Variants in CRPPA observed in about 807,000 individuals in gnomAD.
CRPPA encodes CDP-L-ribitol pyrophosphorylase A, also known as D-ribitol-5-phosphate cytidylyltransferase.
CRPPA carries 43 observed loss-of-function variants against 52.0 expected under a neutral mutation model. The observed-to-expected ratio is 0.83, with a 90% CI of 0.65 to 1.07. The LOEUF (loss-of-function observed/expected upper bound fraction) is 1.07. Among genes scored for constraint, CRPPA ranks in the 50% least tolerant of loss-of-function variants. The pLI, the probability that CRPPA is intolerant of heterozygous loss-of-function variation, is 0.00. For missense variants in CRPPA, 629 were observed against 551.7 expected (o/e 1.14, Z -1.40); for synonymous variants, 250 against 203.5 (o/e 1.23, Z -1.94).
chr7:16,323,481 A>G (rs960820638), intron 3 of CRPPA, among the ~76,000 whole-genome samples: 18 of 152,164 alleles, frequency 1.2e-4, no homozygotes, highest in Non-Finnish European at 2.6e-4. Context: ...TGCTATCTCC[A>G]TGAGAAGAAC....
chr7:16,317,562 T>C (rs569078027), intron 3 of CRPPA, among the ~76,000 whole-genome samples: 4 of 152,276 alleles, frequency 2.6e-5, no homozygotes, highest in African/African-American at 9.6e-5. Flanking sequence ...GGTAGATTCA[T>C]TCATGTTGTT....
intron 4 of CRPPA, among the ~76,000 whole-genome samples, chr7:16,302,770 G>C (rs2128423314): frequency 6.6e-6 from 1 of 152,312 alleles, no homozygotes; most frequent in African/African-American, 2.4e-5. Context: ...TGAGGCTCTA[G>C]TGAGCACAGT....
intron 2 of CRPPA, among the ~76,000 whole-genome samples, chr7:16,378,102 A>AT (rs1050480152): frequency 6.6e-6 from 1 of 151,594 alleles, no homozygotes; most frequent in African/African-American, 2.4e-5. Context: ...TTTTTTTTTA[A>AT]TTTTTTTAAA....
intron 3 of CRPPA, among the ~76,000 whole-genome samples, chr7:16,326,764 T>G (rs928324758): frequency 3.3e-5 from 5 of 152,186 alleles, no homozygotes; most frequent in Non-Finnish European, 7.3e-5. Flanking sequence ...TCAGGATGAT[T>G]ACACTAGAGA....
intron 1 of CRPPA, among the ~76,000 whole-genome samples, chr7:16,417,366 A>C (rs1189629741): frequency 6.6e-6 from 1 of 152,230 alleles, no homozygotes; most frequent in Non-Finnish European, 1.5e-5. Flanking sequence ...TGCTATTCAC[A>C]ATAGCAAACA....
intron 2 of CRPPA, among the ~76,000 whole-genome samples, chr7:16,384,118 G>A (rs1007838253): frequency 2.0e-5 from 3 of 152,158 alleles, no homozygotes; most frequent in African/African-American, 7.2e-5. Flanking sequence ...GACCGGAGCT[G>A]TTCCTATTCA....
chr7:16,300,070 T>C (rs1040083205), intron 5 of CRPPA, among the ~76,000 whole-genome samples: 3 of 152,196 alleles, frequency 2.0e-5, no homozygotes, highest in Non-Finnish European at 4.4e-5. Context: ...CATTGCTTGG[T>C]TGATATGTAA....
intron 5 of CRPPA, 140 bp downstream of exon 5, chr7:16,301,280 AT>A: frequency 1.6e-6 from 1 of 628,930 alleles, no homozygotes; most frequent in Non-Finnish European, 2.8e-6. Context: ...AAATGTAATT[AT>A]TTTCAAAAAA....
At chr7:16,202,329 T>C (rs1381034694) in intron 9 of CRPPA, among the ~76,000 whole-genome samples, 1 of 152,176 alleles carries the variant, frequency 6.6e-6, no homozygotes, top group African/African-American at 2.4e-5. Context: ...AGGAATACAC[T>C]ATCTATAGTA....
intron 3 of CRPPA, among the ~76,000 whole-genome samples, chr7:16,336,085 C>T (rs990010906): frequency 1.3e-5 from 2 of 152,088 alleles, no homozygotes; most frequent in African/African-American, 4.8e-5. Flanking sequence ...GAGTTTGTTG[C>T]TAATAGGCCT....
In CRPPA at chr7:16,106,110, T is replaced by A. The variant is rs577499523; in HGVS notation, c.1252-14311A>T. Among the ~76,000 whole-genome samples, 18 of 152,096 alleles carry A rather than the reference T, an allele frequency of 1.2e-4. No individual in the cohort carries two copies. The South Asian group carries it at 3.7e-3, about 32-fold the overall frequency. The stretch of plus-strand genomic sequence containing the variant: ...GATTCCACTCACTGTAACCCAAAAC[T>A]CAGGGGTTCCACCCAGCCTAAAAGC... On this transcript the variant is annotated intron_variant, in intron 9 of 9. Transcript: ENST00000407010.
At chr7:16,216,796 A>T (rs1312918793) in intron 8 of CRPPA, among the ~76,000 whole-genome samples, 3 of 152,190 alleles carry the variant, frequency 2.0e-5, no homozygotes, top group Non-Finnish European at 4.4e-5. Context: ...TCCTACGCCC[A>T]CGGAGTCTCA....
In CRPPA at chr7:16,091,743, TA is replaced by T; in HGVS notation, c.1307del (p.Leu436Ter). On this transcript the variant is annotated frameshift_variant, in exon 10 of 10. Coordinates refer to ENST00000407010, the MANE Select transcript of CRPPA (RefSeq NM_001101426.4). LOFTEE classifies it high-confidence loss of function. ...TGAGTCCAGAATTTCTTTCCTTGAT[TA>T]ATGAAGCAATAATGATAGCACCTTG... ...LRQGAIIIAS[L>X]IKERNSGLIG... 6.4e-7 allele frequency: 1 copy of T among 1,564,932 alleles called. No individual in the cohort carries two copies.
At chr7:16,303,969 T>C (rs1784849720) in intron 4 of CRPPA, among the ~76,000 whole-genome samples, 1 of 152,214 alleles carries the variant, frequency 6.6e-6, no homozygotes, top group Non-Finnish European at 1.5e-5. Context: ...TTAAATTTCT[T>C]CAGTAACTGG....
intron 9 of CRPPA, among the ~76,000 whole-genome samples, chr7:16,179,643 A>T (rs1478890199): frequency 6.6e-6 from 1 of 152,110 alleles, no homozygotes; most frequent in Non-Finnish European, 1.5e-5. Flanking sequence ...AAGGAATGCA[A>T]CCTGGCTGAC....
At chr7:16,300,081 A>G (rs1315413761) in intron 5 of CRPPA, among the ~76,000 whole-genome samples, 6 of 152,196 alleles carry the variant, frequency 3.9e-5, no homozygotes, top group Non-Finnish European at 8.8e-5. Context: ...TGATATGTAA[A>G]TATGTCAAGA....
In CRPPA at chr7:16,089,301, T is replaced by C; in HGVS notation, c.*2394A>G. 2.5e-6 allele frequency: 1 copy of C among 397,022 alleles called. No individual in the cohort carries two copies. The highest frequency in any genetic ancestry group is 5.3e-6 in the Non-Finnish European group (1 of 189,762). 24.6% of individuals were successfully genotyped at this position (397,022 alleles called of 1,614,324 possible). A position where few individuals can be genotyped will look rare whatever the true frequency, so the allele number is the denominator to read the frequency against. On this transcript the variant is annotated 3_prime_UTR_variant, in exon 10 of 10. Transcript: ENST00000407010. ...ATGTGTGTATGCGTACGTATATACA[T>C]ATATGTGTGTATGCGTACGTATATA...
chr7:16,175,108 TC>T (rs1781268860), intron 9 of CRPPA, among the ~76,000 whole-genome samples: 1 of 152,164 alleles, frequency 6.6e-6, no homozygotes, highest in South Asian at 2.1e-4. Context: ...TGAAAATGGT[TC>T]TTAGAGGCAA....
chr7:16,315,183 A>T (rs1785119081), intron 3 of CRPPA, among the ~76,000 whole-genome samples: 1 of 152,042 alleles, frequency 6.6e-6, no homozygotes, highest in Non-Finnish European at 1.5e-5. Context: ...CTTCATTTTT[A>T]TGATAGTGTT....
Sources: allele counts gnomAD v4.1 joint callset (sites outside exome capture counted in the v4.1 genomes callset), GRCh38; gene constraint gnomAD v4.1.1; transcripts MANE v1.5; gene names NCBI Gene and HGNC (gene_info 2026-07-23, HGNC 2026-07-21).